Variants in NR6A1 observed in about 807,000 individuals in gnomAD.
NR6A1 encodes the protein retinoic acid receptor-related testis-associated receptor.
A neutral mutation model predicts 59.1 loss-of-function variants in NR6A1; 7 were observed. That is an observed-to-expected ratio of 0.12 (90% confidence interval 0.07 to 0.22). The LOEUF (loss-of-function observed/expected upper bound fraction) is 0.22. NR6A1 is among the 10% of genes least tolerant of loss of function. The pLI, the probability that NR6A1 is intolerant of heterozygous loss-of-function variation, is 1.00. For missense variants in NR6A1, 468 were observed against 611.6 expected, an observed-to-expected ratio of 0.77 and a Z score of 2.48; for synonymous variants, 243 against 236.1, an observed-to-expected ratio of 1.03 and a Z score of -0.27.
chr9:124,726,772 T>C (rs1026980960), intron 2 of NR6A1, among the ~76,000 whole-genome samples: 2 of 152,240 alleles, frequency 1.3e-5, no homozygotes, highest in Non-Finnish European at 2.9e-5. Context: ...AGAAAAACCT[T>C]TGATTCAGGA....
intron 2 of NR6A1, among the ~76,000 whole-genome samples, chr9:124,598,072 C>T (rs762877785): frequency 1.4e-4 from 21 of 152,178 alleles, no homozygotes; most frequent in Non-Finnish European, 2.9e-4. Flanking sequence ...TGGTCTTGAA[C>T]TCCTCGGCTC....
chr9:124,702,452 T>G (rs1838990591), intron 2 of NR6A1, among the ~76,000 whole-genome samples: 1 of 152,156 alleles, frequency 6.6e-6, no homozygotes, highest in Non-Finnish European at 1.5e-5. Context: ...TCAATTCAGT[T>G]CCAGTGCCTA....
At chr9:124,596,130 G>C (rs1835263660) in intron 2 of NR6A1, among the ~76,000 whole-genome samples, 1 of 152,026 alleles carries the variant, frequency 6.6e-6, no homozygotes, top group South Asian at 2.1e-4. Context: ...TTAAAAGGCA[G>C]CATTTTAAAA....
At chr9:124,708,745 T>C (rs939795816) in intron 2 of NR6A1, among the ~76,000 whole-genome samples, 3 of 152,204 alleles carry the variant, frequency 2.0e-5, no homozygotes, top group Non-Finnish European at 4.4e-5. Flanking sequence ...CAATGATGAC[T>C]AGGGCAAAAG....
chr9:124,668,406 A>G (rs1022896909), intron 2 of NR6A1, among the ~76,000 whole-genome samples: 6 of 152,060 alleles, frequency 3.9e-5, no homozygotes, highest in African/African-American at 1.2e-4. Context: ...ATATCCACAT[A>G]TAAGTGGACC....
intron 2 of NR6A1, among the ~76,000 whole-genome samples, chr9:124,662,697 A>T (rs1159007171): frequency 6.6e-6 from 1 of 152,246 alleles, no homozygotes; most frequent in Non-Finnish European, 1.5e-5. Context: ...GAATAAAATG[A>T]AACATTTGGA....
chr9:124,600,805 T>G (rs1225734812), intron 2 of NR6A1, among the ~76,000 whole-genome samples: 1 of 152,126 alleles, frequency 6.6e-6, no homozygotes, highest in Non-Finnish European at 1.5e-5. Flanking sequence ...GGGCATTACA[T>G]TTGGGCTGAA....
intron 1 of NR6A1, among the ~76,000 whole-genome samples, chr9:124,742,359 T>C (rs1255833782): frequency 6.7e-6 from 1 of 150,270 alleles, no homozygotes; most frequent in African/African-American, 2.5e-5. Context: ...GGTTAGGAGT[T>C]TGAGACCAGC....
intron 5 of NR6A1, among the ~76,000 whole-genome samples, chr9:124,539,557 T>G (rs1833381524): frequency 6.6e-6 from 1 of 152,240 alleles, no homozygotes; most frequent in Non-Finnish European, 1.5e-5. Flanking sequence ...AAAGATATGC[T>G]TGAACCAAGA....
chr9:124,648,948 T>C (rs76901691), intron 2 of NR6A1, among the ~76,000 whole-genome samples: 1 of 151,940 alleles, frequency 6.6e-6, no homozygotes, highest in East Asian at 1.9e-4. Flanking sequence ...GATGAAATTG[T>C]GGGATTACAC....
chr9:124,767,924 C>T (rs1840985594), intron 1 of NR6A1, among the ~76,000 whole-genome samples: 1 of 152,238 alleles, frequency 6.6e-6, no homozygotes, highest in South Asian at 2.1e-4. Flanking sequence ...TCAGCATACA[C>T]TTCCTCAAAT....
intron 2 of NR6A1, among the ~76,000 whole-genome samples, chr9:124,717,736 A>G (rs1486954095): frequency 6.6e-6 from 1 of 152,190 alleles, no homozygotes; most frequent in Admixed American, 6.5e-5. Flanking sequence ...TTAAAAAGAT[A>G]AGGACATGGA....
At chr9:124,684,268 A>C (rs1564235849) in intron 2 of NR6A1, among the ~76,000 whole-genome samples, 1 of 152,220 alleles carries the variant, frequency 6.6e-6, no homozygotes, top group African/African-American at 2.4e-5. Context: ...AACTCTTGGC[A>C]GGTGTTCTCT....
chr9:124,705,145 CTAATT>C (rs1839086232), intron 2 of NR6A1, among the ~76,000 whole-genome samples: 1 of 152,190 alleles, frequency 6.6e-6, no homozygotes, highest in African/African-American at 2.4e-5. Context: ...TTATGAATCT[CTAATT>C]TAACTCCCTT....
chr9:124,600,951 GAA>G (rs201488136), intron 2 of NR6A1, among the ~76,000 whole-genome samples: 10 of 124,988 alleles, frequency 8.0e-5, no homozygotes, highest in African/African-American at 8.8e-5. Flanking sequence ...GGCTGTGGGG[GAA>G]AAAAAAAAAA....
At chr9:124,763,526 T>C (rs1321612276) in intron 1 of NR6A1, among the ~76,000 whole-genome samples, 1 of 152,208 alleles carries the variant, frequency 6.6e-6, no homozygotes, top group Non-Finnish European at 1.5e-5. Context: ...TAAATAAATT[T>C]AAGGACTCAA....
At chr9:124,526,300 G>C (rs1406529661) in intron 8 of NR6A1, among the ~76,000 whole-genome samples, 1 of 152,068 alleles carries the variant, frequency 6.6e-6, no homozygotes, top group African/African-American at 2.4e-5. Context: ...GTGTGTGTGT[G>C]TGTGTGTGTG....
chr9:124,650,109 A>G (rs773979229), intron 2 of NR6A1, among the ~76,000 whole-genome samples: 46 of 152,204 alleles, frequency 3.0e-4, no homozygotes, highest in Non-Finnish European at 5.1e-4. Context: ...AAGAAAGGAA[A>G]TCCGTATATC....
chr9:124,544,893 G>C (rs1011152350), intron 3 of NR6A1, among the ~76,000 whole-genome samples: 1 of 152,192 alleles, frequency 6.6e-6, no homozygotes, highest in African/African-American at 2.4e-5. Context: ...AAATCTTTCT[G>C]ACAGCCACTG....
Sources: allele counts gnomAD v4.1 joint callset (sites outside exome capture counted in the v4.1 genomes callset), GRCh38; gene constraint gnomAD v4.1.1; transcripts MANE v1.5; gene names NCBI Gene and HGNC (gene_info 2026-07-23, HGNC 2026-07-21).